The following RAD51B variants were observed in gnomAD, a reference collection of about 807,000 sequenced individuals.
The protein encoded by RAD51B is DNA repair protein RAD51 homolog 2.
Under a neutral mutation model 42.2 loss-of-function variants are expected in RAD51B, and 38 were observed. The ratio of observed to expected loss-of-function variants is 0.90; its 90% CI spans 0.70 to 1.18. The LOEUF is 1.18. Among genes scored for constraint, RAD51B ranks in the 50% most tolerant of loss-of-function variants. RAD51B has a pLI of 0.00. For synonymous variants in RAD51B, 154 were observed against 145.2 expected (o/e 1.06, Z -0.43); for missense variants, 373 against 400.7 (o/e 0.93, Z 0.59).
chr14:68,545,087 G>A (rs1888151662), intron 10 of RAD51B, among the ~76,000 whole-genome samples: 1 of 152,220 alleles, frequency 6.6e-6, no homozygotes, highest in African/African-American at 2.4e-5. Context: ...TAAAGGGACA[G>A]GCTTAGCCCT....
exon 11 of RAD51B, chr14:68,594,760 T>C (rs1187144770): frequency 7.9e-7 from 1 of 1,263,816 alleles, no homozygotes; most frequent in Non-Finnish European, 1.0e-6. Context: ...TCTCATCCAA[T>C]GGCCACTGGA....
intron 10 of RAD51B, among the ~76,000 whole-genome samples, chr14:68,469,959 C>A (rs2086080016): frequency 1.3e-5 from 2 of 152,108 alleles, no homozygotes; most frequent in South Asian, 2.1e-4. Flanking sequence ...CACTGAGTTG[C>A]CTCTCTGATG....
intron 4 of RAD51B, among the ~76,000 whole-genome samples, chr14:67,862,866 AT>A (rs1239753487): frequency 1.3e-5 from 2 of 152,190 alleles, no homozygotes; most frequent in East Asian, 3.9e-4. Flanking sequence ...AATGTTTATA[AT>A]TTTTAATTCA....
At chr14:67,896,978 A>G (rs1343519182) in intron 7 of RAD51B, among the ~76,000 whole-genome samples, 6 of 152,338 alleles carry the variant, frequency 3.9e-5, no homozygotes, top group Admixed American at 1.3e-4. Context: ...ACAGGTATCA[A>G]GAATACACAA....
intron 9 of RAD51B, among the ~76,000 whole-genome samples, chr14:68,449,738 T>G (rs1004712154): frequency 1.3e-5 from 2 of 152,224 alleles, no homozygotes; most frequent in African/African-American, 2.4e-5. Context: ...TCTTGCCTTT[T>G]TTTCCTCTGT....
intron 4 of RAD51B, among the ~76,000 whole-genome samples, chr14:67,854,479 C>T (rs2041920844): frequency 1.3e-5 from 2 of 148,236 alleles, no homozygotes; most frequent in Admixed American, 6.7e-5. Flanking sequence ...ACCAAAAATA[C>T]AAAAATTAGC....
At position 68,673,614 on chromosome 14, in the gene RAD51B, C is replaced by T. The variant is rs557157738; in HGVS notation, c.*11+22758C>T. Among the ~76,000 whole-genome samples, 337 of 141,596 alleles carry T rather than the reference C, an allele frequency of 2.4e-3. 1 individual carries two copies. The highest frequency in any genetic ancestry group is 8.1e-3 in the African/African-American group (298 of 36,644). The allele number at this position is 141,596 out of a possible 152,430, so 92.9% of individuals were successfully genotyped here. A position where few individuals can be genotyped will look rare whatever the true frequency, so the allele number is the denominator to read the frequency against. On this transcript the variant is annotated intron_variant, in intron 11 of 11. Coordinates refer to the RAD51B transcript ENST00000488612. ...ACACATATGTACATGCACACACACA[C>T]GTACACATACTGTGCACACACATAT...
intron 4 of RAD51B, among the ~76,000 whole-genome samples, chr14:67,854,383 C>G (rs1157401491): frequency 1.3e-5 from 2 of 152,178 alleles, no homozygotes; most frequent in Non-Finnish European, 2.9e-5. Context: ...CCTGTAATCC[C>G]AGCACTTTGG....
intron 9 of RAD51B, among the ~76,000 whole-genome samples, chr14:68,439,860 G>C (rs944978993): frequency 6.6e-6 from 1 of 152,142 alleles, no homozygotes; most frequent in African/African-American, 2.4e-5. Flanking sequence ...AATGTTCCAG[G>C]GTCTGTATGC....
Position 68,616,589 on chromosome 14 carries a change from T to C in RAD51B, c.1037-34192T>C, listed in dbSNP as rs193142261. ...GTGTGATTTCCCTTGCTTATTTTGA[T>C]TGGGGTTCATTGTGATTCCTGGATC... On this transcript the variant is annotated intron_variant, in intron 10 of 11. Coordinates refer to the RAD51B transcript ENST00000488612. Among the ~76,000 whole-genome samples the C allele has an allele frequency of 5.2e-4, 79 of 152,336 alleles. 1 individual carries two copies. The highest frequency in any genetic ancestry group is 1.8e-3 in the African/African-American group (76 of 41,588).
intron 7 of RAD51B, among the ~76,000 whole-genome samples, chr14:67,987,645 C>G (rs1333561288): frequency 6.6e-6 from 1 of 152,024 alleles, no homozygotes; most frequent in East Asian, 1.9e-4. Context: ...TTAGTATTGA[C>G]TTTCATAAGT....
intron 9 of RAD51B, among the ~76,000 whole-genome samples, chr14:68,415,913 C>T (rs542354917): frequency 2.6e-4 from 40 of 152,204 alleles, no homozygotes; most frequent in East Asian, 1.4e-3. Context: ...GCCTCACACC[C>T]GCTTGATGAA....
At chr14:68,480,958 T>A (rs941907306), downstream of RAD51B, among the ~76,000 whole-genome samples, 2 of 152,212 alleles carry the variant, frequency 1.3e-5, no homozygotes, top group Admixed American at 6.5e-5. Flanking sequence ...TATTTGTATA[T>A]TTCTTTTGAC....
chr14:68,328,003 T>C (rs2082281196), intron 8 of RAD51B, among the ~76,000 whole-genome samples: 1 of 152,136 alleles, frequency 6.6e-6, no homozygotes. Context: ...CTAACCTACC[T>C]CTGCCTAGAG....
At chr14:68,502,774 C>A (rs1276588370) in intron 10 of RAD51B, among the ~76,000 whole-genome samples, 1 of 152,172 alleles carries the variant, frequency 6.6e-6, no homozygotes, top group African/African-American at 2.4e-5. Flanking sequence ...TATTCAAGGG[C>A]TCCCTTGCAT....
intron 7 of RAD51B, among the ~76,000 whole-genome samples, chr14:68,043,590 GTGTC>G (rs2076250188): frequency 6.6e-6 from 1 of 152,200 alleles, no homozygotes. Context: ...GTTTCCAAAT[GTGTC>G]TGTATTACTT....
chr14:68,069,917 A>G (rs921775710), intron 7 of RAD51B, among the ~76,000 whole-genome samples: 2 of 152,130 alleles, frequency 1.3e-5, no homozygotes, highest in Admixed American at 1.3e-4. Context: ...GTGTACAAGC[A>G]TTCCCTTTCC....
chr14:68,119,503 G>A (rs1337322063), intron 7 of RAD51B, among the ~76,000 whole-genome samples: 1 of 122,596 alleles, frequency 8.2e-6, no homozygotes, highest in African/African-American at 3.2e-5. Flanking sequence ...AGAGTGTGAC[G>A]TTCCCCTTCA....
chr14:68,137,574 G>T (rs144849577), intron 7 of RAD51B, among the ~76,000 whole-genome samples: 1,626 of 152,152 alleles, frequency 0.011, 11 homozygotes, highest in Non-Finnish European at 0.016. Context: ...TTGAACATTT[G>T]TTTACTGTCT....
Sources: allele counts gnomAD v4.1 joint callset (sites outside exome capture counted in the v4.1 genomes callset), GRCh38; gene constraint gnomAD v4.1.1; transcripts MANE v1.5; gene names NCBI Gene and HGNC (gene_info 2026-07-23, HGNC 2026-07-21).